NUTF2: variants seen among roughly 807,000 people sequenced by gnomAD.
The protein encoded by NUTF2 is placental protein 15.
A neutral mutation model predicts 18.5 loss-of-function variants in NUTF2; 3 were observed. The ratio of observed to expected loss-of-function variants is 0.16; its 90% confidence interval spans 0.07 to 0.42. The LOEUF is 0.42. Ranked by LOEUF, NUTF2 falls within the 10% of genes least tolerant of loss-of-function variation. The pLI, the probability that NUTF2 is intolerant of heterozygous loss-of-function variation, is 0.99. For synonymous variants in NUTF2, 51 were observed against 57.9 expected (o/e 0.88, Z 0.54); for missense variants, 44 against 160.7 (o/e 0.27, Z 3.93).
intron 1 of NUTF2, among the ~76,000 whole-genome samples, chr16:67,859,537 T>C (rs915229527): frequency 1.3e-5 from 2 of 152,062 alleles, no homozygotes; most frequent in Non-Finnish European, 2.9e-5. Context: ...TTTGTATTTT[T>C]AGTAGAGACG....
intron 1 of NUTF2, among the ~76,000 whole-genome samples, chr16:67,852,797 A>C (rs1049336000): frequency 1.1e-4 from 17 of 152,104 alleles, no homozygotes; most frequent in African/African-American, 3.4e-4. Flanking sequence ...CTCTTGCCTC[A>C]GCCTCCCTAG....
At chr16:67,855,930 G>T (rs2057893536) in intron 1 of NUTF2, 9 of 691,210 alleles carry the variant, frequency 1.3e-5, no homozygotes, top group South Asian at 6.4e-5. Flanking sequence ...TTATTTCATT[G>T]CGGGGAGTGG....
At chr16:67,865,423 C>G (rs1204719561) in intron 2 of NUTF2, among the ~76,000 whole-genome samples, 194 bp downstream of exon 2, 1 of 152,222 alleles carries the variant, frequency 6.6e-6, no homozygotes, top group Non-Finnish European at 1.5e-5. Flanking sequence ...CTTTTGTCAA[C>G]TTCCACAAGA....
At chr16:67,859,457 C>T (rs1447593169) in intron 1 of NUTF2, among the ~76,000 whole-genome samples, 1 of 151,122 alleles carries the variant, frequency 6.6e-6, no homozygotes, top group Non-Finnish European at 1.5e-5. Flanking sequence ...TCAAGCGATT[C>T]TCCTGCCTCA....
In NUTF2 at chr16:67,868,526, A is replaced by G; in HGVS notation, c.197A>G (p.His66Arg). Residue 66 changes from histidine to arginine, a missense_variant, in exon 4 of 5, where the codon CAC becomes CGC. Physicochemically the swap from His to Arg is conservative, Grantham distance 29. Coordinates refer to ENST00000219169, the MANE Select transcript of NUTF2 (RefSeq NM_005796.3). ...LSSLPFQKIQ[H>R]SITAQDHQPT... ...AGCCTTCCGTTCCAGAAAATTCAGCACAGCATCACCGCGCAGGACCATCAG... is the reference window on the plus strand; with the variant it reads ...AGCCTTCCGTTCCAGAAAATTCAGCGCAGCATCACCGCGCAGGACCATCAG... 1 of 1,614,050 alleles carries G rather than the reference A, an allele frequency of 6.2e-7. No homozygotes were observed. Among genetic ancestry groups the G allele is most frequent in the Non-Finnish European group, 8.5e-7 (1 of 1,180,010 alleles).
chr16:67,864,803 C>T (rs2057959362), intron 1 of NUTF2, among the ~76,000 whole-genome samples: 1 of 152,088 alleles, frequency 6.6e-6, no homozygotes, highest in African/African-American at 2.4e-5. Flanking sequence ...CTGCTCTGAC[C>T]TTTCTTTGTT....
At chr16:67,860,714 C>T (rs2151298109) in intron 1 of NUTF2, among the ~76,000 whole-genome samples, 1 of 152,334 alleles carries the variant, frequency 6.6e-6, no homozygotes, top group East Asian at 1.9e-4. Context: ...TTTTGGGGCC[C>T]TCACTGTAGG....
In NUTF2 at chr16:67,871,560, T is replaced by C. The variant is rs2058013591; in HGVS notation, c.*647T>C. 1 of 152,386 alleles carries C rather than the reference T, an allele frequency of 6.6e-6. No homozygotes were observed. The highest frequency in any genetic ancestry group is 1.5e-5 in the Non-Finnish European group (1 of 68,180). The allele number at this position is 152,386 out of a possible 1,614,324, so 9.4% of individuals were successfully genotyped here. On this transcript the variant is annotated 3_prime_UTR_variant, in exon 5 of 5. Coordinates refer to ENST00000219169, the MANE Select transcript of NUTF2 (RefSeq NM_005796.3). ...GAAGAGCTCAGGTCTGGCCTGAAGCTTCTCTCACTGAAGCCTGTGCAGTCA... is the reference window on the plus strand; with the variant it reads ...GAAGAGCTCAGGTCTGGCCTGAAGCCTCTCTCACTGAAGCCTGTGCAGTCA...
At chr16:67,863,149 G>A (rs2057945931) in intron 1 of NUTF2, among the ~76,000 whole-genome samples, 1 of 152,214 alleles carries the variant, frequency 6.6e-6, no homozygotes, top group Non-Finnish European at 1.5e-5. Context: ...TCTTGGAAAT[G>A]TGACCAAGAC....
At chr16:67,852,475 A>G (rs183931956) in intron 1 of NUTF2, among the ~76,000 whole-genome samples, 22 of 150,394 alleles carry the variant, frequency 1.5e-4, no homozygotes, top group Non-Finnish European at 2.8e-4. Flanking sequence ...TCCTGTGTCA[A>G]CCTTCCGAGT....
intron 1 of NUTF2, among the ~76,000 whole-genome samples, chr16:67,856,895 G>T (rs966434880): frequency 2.0e-5 from 3 of 152,228 alleles, no homozygotes; most frequent in Admixed American, 6.5e-5. Context: ...ACCTCTTGGA[G>T]TCTTTGTTTC....
At chr16:67,848,160 C>A (rs2057821949) in intron 1 of NUTF2, among the ~76,000 whole-genome samples, 1 of 152,180 alleles carries the variant, frequency 6.6e-6, no homozygotes, top group Non-Finnish European at 1.5e-5. Context: ...ATCCTGATAT[C>A]CTTTGTAAAG....
chr16:67,851,049 C>T (rs2151294029), intron 1 of NUTF2, among the ~76,000 whole-genome samples: 1 of 152,114 alleles, frequency 6.6e-6, no homozygotes, highest in Non-Finnish European at 1.5e-5. Context: ...GACCCACTCG[C>T]CTTGGCTGCC....
At chr16:67,853,673 A>G (rs2151295117) in intron 1 of NUTF2, among the ~76,000 whole-genome samples, 1 of 151,796 alleles carries the variant, frequency 6.6e-6, no homozygotes, top group East Asian at 1.9e-4. Context: ...TAATTTTTAT[A>G]TTCTATTTTT....
At chr16:67,855,944 G>A (rs2057893666) in intron 1 of NUTF2, 1 of 975,600 alleles carries the variant, frequency 1.0e-6, no homozygotes, top group Non-Finnish European at 1.5e-6. Flanking sequence ...GGAGTGGGCA[G>A]ATGTCCAGCC....
intron 1 of NUTF2, among the ~76,000 whole-genome samples, chr16:67,849,270 A>G (rs912495511): frequency 6.6e-6 from 1 of 152,240 alleles, no homozygotes; most frequent in Non-Finnish European, 1.5e-5. Flanking sequence ...TAGGACACAG[A>G]TTTCAGGTGA....
At chr16:67,868,768 T>G in intron 4 of NUTF2, 169 bp downstream of exon 4, 1 of 572,646 alleles carries the variant, frequency 1.7e-6, no homozygotes, top group Non-Finnish European at 3.1e-6. Context: ...AGGTGGCAAT[T>G]TTTAAGTTAT....
Position 67,871,468 on chromosome 16 carries a change from T to C in NUTF2, c.*555T>C, listed in dbSNP as rs753809791. The C allele has an allele frequency of 6.6e-6, 1 of 152,646 alleles. No individual in the cohort carries two copies. Among genetic ancestry groups the C allele is most frequent in the Non-Finnish European group, 1.5e-5 (1 of 68,290 alleles). 9.5% of individuals were successfully genotyped at this position (152,646 alleles called of 1,614,324 possible). On this transcript the variant is annotated 3_prime_UTR_variant, in exon 5 of 5. Transcript: ENST00000219169. ...GCTGAAGCAGCACTCCCAGCTAGCC[T>C]CTCAGAAGCCGTGTAGGGCAGTTCT...
intron 1 of NUTF2, chr16:67,855,893 G>T (rs563956352): frequency 1.3e-4 from 57 of 447,474 alleles, no homozygotes; most frequent in African/African-American, 3.8e-4. Flanking sequence ...TTGGCGGGGG[G>T]GGGGGATGGG....
Sources: gnomAD v4.1 joint callset for allele counts (sites outside exome capture counted in the v4.1 genomes callset) on GRCh38, gnomAD v4.1.1 for gene constraint, MANE v1.5 for transcripts, NCBI Gene and HGNC (gene_info 2026-07-23, HGNC 2026-07-21) for gene names.